RNF141: variants seen among roughly 807,000 people sequenced by gnomAD.
The protein encoded by RNF141 is C3HC4-like zinc finger protein.
In RNF141, 18 loss-of-function variants were observed where a neutral mutation model predicts 27.4. That is an observed-to-expected ratio of 0.66 (90% CI 0.45 to 0.97). The LOEUF (loss-of-function observed/expected upper bound fraction) is 0.97, where lower values mean the gene tolerates loss of function less well. Among genes scored for constraint, RNF141 ranks in the 50% least tolerant of loss-of-function variants. RNF141 has a pLI of 0.00. For missense variants in RNF141, 230 were observed against 279.4 expected (o/e 0.82, Z 1.26); for synonymous variants, 97 against 96.6 (o/e 1.00, Z -0.02).
Position 10,512,555 on chromosome 11 carries a change from ACT to A in RNF141, c.*2359_*2360del, listed in dbSNP as rs1430130924. On this transcript the variant is annotated 3_prime_UTR_variant, in exon 6 of 6. Coordinates refer to ENST00000265981, the MANE Select transcript of RNF141 (RefSeq NM_016422.4). ...GAAAGATCCAAAACTCTGTAAGGTA[ACT>A]CTGTTCACTTTTCAGAAACATTTTA... 2 of 152,538 alleles carry A rather than the reference ACT, an allele frequency of 1.3e-5. No individual in the cohort carries two copies. Among genetic ancestry groups the A allele is most frequent in the Non-Finnish European group, 1.5e-5 (1 of 68,024 alleles). 9.4% of individuals were successfully genotyped at this position (152,538 alleles called of 1,614,324 possible).
intron 1 of RNF141, among the ~76,000 whole-genome samples, chr11:10,539,691 C>CATACATACATACATACATATATATATAT (rs1178912246): frequency 2.5e-5 from 1 of 40,350 alleles, no homozygotes; most frequent in African/African-American, 7.5e-5. Context: ...AAGATACATA[C>CATACATACATACATACATATATATATAT]ATATATATTA....
At chr11:10,528,931 T>C (rs1849962744) in intron 3 of RNF141, among the ~76,000 whole-genome samples, 1 of 152,186 alleles carries the variant, frequency 6.6e-6, no homozygotes. Flanking sequence ...GTATAAATAA[T>C]GTGCTGTTGG....
chr11:10,515,599 G>A (rs1849837110), intron 5 of RNF141: 1 of 152,122 alleles, frequency 6.6e-6, no homozygotes, highest in Admixed American at 6.5e-5. Flanking sequence ...TGGAAGATTT[G>A]GTCAAAGTGT....
chr11:10,530,619 G>T, intron 3 of RNF141, 24 bp downstream of exon 3: 1 of 1,354,354 alleles, frequency 7.4e-7, no homozygotes, highest in Non-Finnish European at 1.0e-6. Flanking sequence ...TAAGCTCAGA[G>T]GTAGAAGTCT....
At chr11:10,540,129 G>A (rs895636167) in intron 1 of RNF141, among the ~76,000 whole-genome samples, 13 of 152,108 alleles carry the variant, frequency 8.5e-5, no homozygotes, top group African/African-American at 2.9e-4. Flanking sequence ...ATCGTCGGCC[G>A]GTGGCAGCTC....
chr11:10,533,342 T>G (rs1288758632), intron 2 of RNF141, among the ~76,000 whole-genome samples: 1 of 152,100 alleles, frequency 6.6e-6, no homozygotes, highest in Non-Finnish European at 1.5e-5. Context: ...GAAGACTAAG[T>G]TGTATTAGGT....
At chr11:10,526,130 C>A (rs1322634454) in intron 3 of RNF141, among the ~76,000 whole-genome samples, 1 of 152,130 alleles carries the variant, frequency 6.6e-6, no homozygotes, top group Non-Finnish European at 1.5e-5. Context: ...AACTTGAAAT[C>A]AGAGAAAGAT....
rs557052481 is a variant in RNF141, at chr11:10,537,722, T to A, written c.-48+3400A>T. ...CATAGTAGATTGGACAAAGGAGAAG[T>A]AAACTGTGAAAACATGACAAGACAC... is the stretch of plus-strand genomic sequence containing the variant. On this transcript the variant is annotated intron_variant, in intron 1 of 5. Transcript: ENST00000265981. Among the ~76,000 whole-genome samples, 5 of 152,284 alleles carry A rather than the reference T, an allele frequency of 3.3e-5. No homozygotes were observed. In the East Asian group the frequency reaches 9.6e-4, roughly 29 times the overall value.
intron 4 of RNF141, 61 bp from the exon 5 acceptor site, chr11:10,519,202 T>C: frequency 6.8e-7 from 1 of 1,475,860 alleles, no homozygotes; most frequent in Non-Finnish European, 9.4e-7. Context: ...TTATACTTTT[T>C]GTTGCTTTAA....
intron 3 of RNF141, among the ~76,000 whole-genome samples, chr11:10,526,612 TCTCTACTA>T (rs1315576847): frequency 1.3e-3 from 195 of 152,022 alleles, no homozygotes; most frequent in African/African-American, 4.5e-3. Flanking sequence ...TGAAACCCCA[TCTCTACTA>T]AAAGTACAAA....
chr11:10,516,663 G>T (rs1849845457), intron 5 of RNF141: 1 of 152,180 alleles, frequency 6.6e-6, no homozygotes, highest in Non-Finnish European at 1.5e-5. Context: ...TCAATCAAAG[G>T]GCTTTGAGGG....
chr11:10,519,489 T>C (rs1303217532), intron 4 of RNF141, among the ~76,000 whole-genome samples: 1 of 152,346 alleles, frequency 6.6e-6, no homozygotes, highest in South Asian at 2.1e-4. Flanking sequence ...GATATAGTTA[T>C]TGCATTAAAG....
At chr11:10,525,072 A>G (rs1849920017) in intron 4 of RNF141, 120 bp downstream of exon 4, 2 of 607,194 alleles carry the variant, frequency 3.3e-6, no homozygotes, top group East Asian at 6.5e-5. Context: ...CAGATACAAT[A>G]CCAACTGAGA....
At chr11:10,540,004 T>C (rs535266414) in intron 1 of RNF141, among the ~76,000 whole-genome samples, 75 of 152,126 alleles carry the variant, frequency 4.9e-4, no homozygotes, top group Non-Finnish European at 9.4e-4. Flanking sequence ...TTCTAGAAAC[T>C]GAAGTCAGGC....
At chr11:10,523,585 C>T (rs1338166462) in intron 4 of RNF141, among the ~76,000 whole-genome samples, 1 of 152,202 alleles carries the variant, frequency 6.6e-6, no homozygotes, top group Non-Finnish European at 1.5e-5. Flanking sequence ...TAGAAAGTCT[C>T]TTTCTGTGAA....
At chr11:10,526,629 A>C (rs1849938203) in intron 3 of RNF141, among the ~76,000 whole-genome samples, 1 of 152,078 alleles carries the variant, frequency 6.6e-6, no homozygotes, top group Admixed American at 6.5e-5. Flanking sequence ...TAAAAGTACA[A>C]AAAATTAGCT....
intron 5 of RNF141, chr11:10,515,733 T>C (rs1449436645): frequency 6.6e-6 from 1 of 152,214 alleles, no homozygotes; most frequent in Non-Finnish European, 1.5e-5. Context: ...CTAAGAAATA[T>C]CTACATGACT....
At position 10,531,135 on chromosome 11, in the gene RNF141, G is replaced by A. The variant is rs574927976; in HGVS notation, c.144-384C>T. Among the ~76,000 whole-genome samples, 4 of 152,210 alleles carry A rather than the reference G, an allele frequency of 2.6e-5. No homozygotes were observed. The South Asian group carries it at 8.3e-4, about 32-fold the overall frequency. On this transcript the variant is annotated intron_variant, in intron 2 of 5. Transcript: ENST00000265981. ...CTCACACCTGTAATCCCAGCACTTTGGGAGGCCAAGGCAGGCAGATCACGA... is the reference window on the plus strand; with the variant it reads ...CTCACACCTGTAATCCCAGCACTTTAGGAGGCCAAGGCAGGCAGATCACGA...
At chr11:10,534,580 C>A (rs1850017565) in intron 1 of RNF141, among the ~76,000 whole-genome samples, 1 of 152,072 alleles carries the variant, frequency 6.6e-6, no homozygotes, top group African/African-American at 2.4e-5. Flanking sequence ...TGACTGCTTA[C>A]CACATGTCAG....
Sources: gnomAD v4.1 joint callset for allele counts (sites outside exome capture counted in the v4.1 genomes callset) on GRCh38, gnomAD v4.1.1 for gene constraint, MANE v1.5 for transcripts, NCBI Gene and HGNC (gene_info 2026-07-23, HGNC 2026-07-21) for gene names.